Variants in ACTR3C observed in about 807,000 individuals in gnomAD.
The protein encoded by ACTR3C is actin-related protein 3C.
Under a neutral mutation model 26.3 loss-of-function variants are expected in ACTR3C, and 18 were observed. That is an observed-to-expected ratio of 0.68 (90% CI 0.47 to 1.01). ACTR3C has a LOEUF of 1.01. Ranked by LOEUF, ACTR3C falls within the 50% of genes least tolerant of loss-of-function variation. The pLI, the probability that ACTR3C is intolerant of heterozygous loss-of-function variation, is 0.00. For synonymous variants in ACTR3C, 55 were observed against 94.5 expected (o/e 0.58, Z 2.42); for missense variants, 184 against 250.7 (o/e 0.73, Z 1.80).
chr7:150,032,795 C>CT, the ACTR3C span, among the ~76,000 whole-genome samples: 4 of 151,098 alleles, frequency 2.6e-5, no homozygotes, highest in African/African-American at 4.9e-5. Flanking sequence ...CAATTTGTGC[C>CT]TTTTTTTTTC....
At chr7:150,102,619 G>T in the ACTR3C span, among the ~76,000 whole-genome samples, 1 of 152,026 alleles carries the variant, frequency 6.6e-6, no homozygotes, top group Admixed American at 6.5e-5. Context: ...GTGACTCGGT[G>T]GCAAGGCAGA....
the ACTR3C span, among the ~76,000 whole-genome samples, chr7:150,116,823 C>A: frequency 6.6e-6 from 1 of 152,092 alleles, no homozygotes; most frequent in Non-Finnish European, 1.5e-5. Flanking sequence ...CTCCGATCTG[C>A]AGCTCCCAGC....
At chr7:149,888,009 C>T in the ACTR3C span, among the ~76,000 whole-genome samples, 1 of 152,010 alleles carries the variant, frequency 6.6e-6, no homozygotes, top group African/African-American at 2.4e-5. Flanking sequence ...TTTTTTTCCC[C>T]CCAGTTTCAG....
rs1355128947 is a variant in ACTR3C, at chr7:150,274,845, G to A, written c.564+9908C>T. 6.6e-6 allele frequency among the ~76,000 whole-genome samples: 1 copy of A among 152,194 alleles called. No homozygotes were observed. The highest frequency in any genetic ancestry group is 1.5e-5 in the Non-Finnish European group (1 of 68,050). On this transcript the variant is annotated intron_variant, in intron 6 of 7. Coordinates refer to ENST00000683684, the MANE Select transcript of ACTR3C (RefSeq NM_001164458.2). This position sits in a 1 kb window ranked among gnomAD's most constrained non-coding sequence, Gnocchi z 4.1. ...AAAAACACTTAATTCAGAAAACAAA[G>A]TGATCCCTTATCACTTTTGATACAG...
chr7:150,181,566 C>G, the ACTR3C span, among the ~76,000 whole-genome samples: 1 of 149,856 alleles, frequency 6.7e-6, no homozygotes, highest in Non-Finnish European at 1.5e-5. Flanking sequence ...TGCACTCCAG[C>G]CCAGCCTGGG....
At chr7:149,969,867 G>C in the ACTR3C span, among the ~76,000 whole-genome samples, 2 of 152,068 alleles carry the variant, frequency 1.3e-5, no homozygotes, top group East Asian at 3.9e-4. Context: ...GAAGAAGAGG[G>C]GATACAGCTG....
At chr7:150,292,938 C>T (rs1188256598) in intron 3 of ACTR3C, among the ~76,000 whole-genome samples, 3 of 152,284 alleles carry the variant, frequency 2.0e-5, no homozygotes, top group African/African-American at 7.2e-5. Flanking sequence ...CGGTGTCTAT[C>T]TCCCAACATG....
chr7:149,891,021 C>T, the ACTR3C span: 439,756 of 729,716 alleles, frequency 0.6, 126,643 homozygotes, highest in South Asian at 0.76. Flanking sequence ...CTAACAAGCC[C>T]CTTTTTGTTC....
intron 6 of ACTR3C, among the ~76,000 whole-genome samples, chr7:150,278,250 C>T: frequency 6.6e-6 from 1 of 152,240 alleles, no homozygotes. Context: ...AGCCTTCACT[C>T]CGACCTGAGT....
chr7:150,135,934 C>G, the ACTR3C span, among the ~76,000 whole-genome samples: 3 of 152,130 alleles, frequency 2.0e-5, no homozygotes, highest in South Asian at 6.2e-4. Flanking sequence ...GCATCAGAGC[C>G]AAGCCAGCTC....
chr7:149,918,564 C>T, the ACTR3C span, among the ~76,000 whole-genome samples: 1 of 152,164 alleles, frequency 6.6e-6, no homozygotes, highest in Non-Finnish European at 1.5e-5. Flanking sequence ...GTGGCGCATG[C>T]CTGTAATCCC....
chr7:150,150,800 A>G, the ACTR3C span, among the ~76,000 whole-genome samples: 2 of 136,746 alleles, frequency 1.5e-5, no homozygotes, highest in Non-Finnish European at 3.2e-5. Flanking sequence ...TCAATATTTA[A>G]TCATAAGGGA....
At chr7:150,191,899 C>T in the ACTR3C span, among the ~76,000 whole-genome samples, 3 of 152,240 alleles carry the variant, frequency 2.0e-5, no homozygotes, top group Admixed American at 2.0e-4. Flanking sequence ...ATAAGTTCCA[C>T]TCTATTCCTA....
At chr7:150,193,672 A>C in the ACTR3C span, among the ~76,000 whole-genome samples, 1 of 151,836 alleles carries the variant, frequency 6.6e-6, no homozygotes, top group Non-Finnish European at 1.5e-5. Context: ...TCTTTTTGAC[A>C]TGCAGGTTAT....
the ACTR3C span, among the ~76,000 whole-genome samples, chr7:150,043,266 C>G: frequency 6.6e-6 from 1 of 151,228 alleles, no homozygotes; most frequent in South Asian, 2.1e-4. Flanking sequence ...TTAGGATCCC[C>G]GATGGGCGTC....
the ACTR3C span, among the ~76,000 whole-genome samples, chr7:150,049,024 T>G: frequency 6.6e-6 from 1 of 151,846 alleles, no homozygotes; most frequent in African/African-American, 2.4e-5. Context: ...TGCCCGCAAC[T>G]TTTCCAAAGC....
chr7:150,198,055 G>A, the ACTR3C span, among the ~76,000 whole-genome samples: 7 of 151,050 alleles, frequency 4.6e-5, no homozygotes, highest in African/African-American at 7.4e-5. Context: ...TGTGTTGGCC[G>A]GGCCGGTCTC....
At chr7:149,939,855 A>C in the ACTR3C span, among the ~76,000 whole-genome samples, 1 of 147,354 alleles carries the variant, frequency 6.8e-6, no homozygotes, top group Non-Finnish European at 1.5e-5. Flanking sequence ...CTTCCATTTG[A>C]AAGAACCTCA....
At chr7:149,927,047 A>G in the ACTR3C span, among the ~76,000 whole-genome samples, 2 of 150,112 alleles carry the variant, frequency 1.3e-5, no homozygotes, top group African/African-American at 4.9e-5. Context: ...CAGCCTCCAG[A>G]ACTATGAGCC....
Sources: gnomAD v4.1 joint callset for allele counts (sites outside exome capture counted in the v4.1 genomes callset) on GRCh38, gnomAD v4.1.1 for gene constraint, Gnocchi (gnomAD v3.1) non-coding constraint, MANE v1.5 for transcripts, NCBI Gene and HGNC (gene_info 2026-07-23, HGNC 2026-07-21) for gene names.